Variants in NAALAD2 observed in about 807,000 individuals in gnomAD.
NAALAD2 encodes N-acetylated alpha-linked acidic dipeptidase 2.
A neutral mutation model predicts 95.6 loss-of-function variants in NAALAD2; 89 were observed. The observed-to-expected ratio is 0.93, with a 90% confidence interval of 0.78 to 1.11. The LOEUF (loss-of-function observed/expected upper bound fraction) is 1.11, where lower values mean the gene tolerates loss of function less well. Among genes scored for constraint, NAALAD2 ranks in the 50% least tolerant of loss-of-function variants. NAALAD2 has a pLI of 0.00. For missense variants in NAALAD2, 894 were observed against 872.4 expected (o/e 1.02, Z -0.31); for synonymous variants, 264 against 294.4 (o/e 0.90, Z 1.06).
chr11:90,181,833 T>C (rs1952982739), intron 17 of NAALAD2, 132 bp downstream of exon 17: 7 of 606,716 alleles, frequency 1.2e-5, no homozygotes, highest in Non-Finnish European at 2.0e-5. Flanking sequence ...AAATCAGCAA[T>C]AGCAGTAGTA....
intron 18 of NAALAD2, among the ~76,000 whole-genome samples, chr11:90,184,753 G>C (rs1248525294): frequency 6.6e-6 from 1 of 151,842 alleles, no homozygotes; most frequent in Non-Finnish European, 1.5e-5. Flanking sequence ...TGTTGAGTTT[G>C]GTGTAAGTTT....
At chr11:90,167,358 G>C (rs930335736) in intron 11 of NAALAD2, among the ~76,000 whole-genome samples, 1 of 152,198 alleles carries the variant, frequency 6.6e-6, no homozygotes, top group East Asian at 1.9e-4. Flanking sequence ...TCGATTTCTC[G>C]CTGGGCCTTA....
chr11:90,178,425 A>G (rs537393384), intron 16 of NAALAD2, among the ~76,000 whole-genome samples: 9 of 152,306 alleles, frequency 5.9e-5, no homozygotes, highest in African/African-American at 2.2e-4. Flanking sequence ...TAATCCCAGC[A>G]CTTTGGGAGG....
chr11:90,144,177 A>G (rs1469859751), intron 2 of NAALAD2, among the ~76,000 whole-genome samples: 1 of 152,178 alleles, frequency 6.6e-6, no homozygotes, highest in Non-Finnish European at 1.5e-5. Flanking sequence ...GAAATACACC[A>G]TATTAGGAGC....
At chr11:90,184,608 A>G (rs1255986500) in intron 18 of NAALAD2, among the ~76,000 whole-genome samples, 1 of 152,012 alleles carries the variant, frequency 6.6e-6, no homozygotes, top group Admixed American at 6.6e-5. Context: ...TTTATTTATA[A>G]GAAATCTATA....
chr11:90,135,449 G>A, intron 1 of NAALAD2, 110 bp from the exon 2 acceptor site: 6 of 563,004 alleles, frequency 1.1e-5, no homozygotes, highest in Non-Finnish European at 1.8e-5. Context: ...TGATCTACTT[G>A]TCAGATAAAG....
chr11:90,177,127 G>A (rs1053406963), intron 15 of NAALAD2, among the ~76,000 whole-genome samples: 3 of 152,018 alleles, frequency 2.0e-5, no homozygotes, highest in Non-Finnish European at 4.4e-5. Flanking sequence ...ACTAAAATTA[G>A]AAAAGGCAGA....
chr11:90,151,857 T>G (rs1951896013), intron 5 of NAALAD2, among the ~76,000 whole-genome samples: 1 of 152,176 alleles, frequency 6.6e-6, no homozygotes, highest in Non-Finnish European at 1.5e-5. Flanking sequence ...CATAAATATT[T>G]GTAGAATGCT....
chr11:90,173,186 TAC>T (rs137863708), intron 13 of NAALAD2, among the ~76,000 whole-genome samples: 16 of 151,188 alleles, frequency 1.1e-4, no homozygotes, highest in African/African-American at 2.7e-4. Flanking sequence ...TGTATATATA[TAC>T]ACACACACAC....
chr11:90,171,277 T>A (rs1005504852), intron 13 of NAALAD2, among the ~76,000 whole-genome samples: 1 of 152,214 alleles, frequency 6.6e-6, no homozygotes, highest in African/African-American at 2.4e-5. Context: ...CACTTCTCTC[T>A]GGGTACTATT....
At chr11:90,136,979 C>G (rs998852484) in intron 2 of NAALAD2, among the ~76,000 whole-genome samples, 7 of 152,060 alleles carry the variant, frequency 4.6e-5, no homozygotes, top group African/African-American at 1.7e-4. Context: ...GATCAACTTC[C>G]ATCAACAAAT....
In NAALAD2 at chr11:90,135,614, T is replaced by G; in HGVS notation, c.138T>G (p.Ser46Arg). Reference protein sequence around the residue: ...ETTTSVRYHQSIRWKLVSEMK... With the variant: ...ETTTSVRYHQRIRWKLVSEMK... Reference sequence around the variant, plus strand: ...CCACTTCTGTGCGCTATCATCAAAGTATACGGTGGAAACTGGTATCCGAAA... The same window carrying G: ...CCACTTCTGTGCGCTATCATCAAAGGATACGGTGGAAACTGGTATCCGAAA... Residue 46 changes from serine (S) to arginine (R), a missense_variant, in exon 2 of 19, where the codon AGT becomes AGG. By Grantham distance (110) the Ser-to-Arg change is moderately radical. Coordinates refer to ENST00000534061, the MANE Select transcript of NAALAD2 (RefSeq NM_005467.4). 6.2e-7 allele frequency: 1 copy of G among 1,613,726 alleles called. No homozygotes were observed. The highest frequency in any genetic ancestry group is 1.3e-5 in the African/African-American group (1 of 75,022).
Position 90,158,859 on chromosome 11 carries a change from A to C in NAALAD2, c.891-380A>C. On this transcript the variant is annotated intron_variant, in intron 7 of 18. Coordinates refer to ENST00000534061, the MANE Select transcript of NAALAD2 (RefSeq NM_005467.4). ...TTGTTTGGGTGCCTACTGTGTAATC[A>C]GCAGCTTTTTTACAAATACATTTCT... 4.3e-5 allele frequency: 9 copies of C among 211,748 alleles called. No homozygotes were observed. In the South Asian group the frequency reaches 7.1e-4, roughly 17 times the overall value. The allele number at this position is 211,748 out of a possible 1,614,324, so 13.1% of individuals were successfully genotyped here. A position where few individuals can be genotyped will look rare whatever the true frequency, so the allele number is the denominator to read the frequency against.
intron 2 of NAALAD2, among the ~76,000 whole-genome samples, chr11:90,145,854 T>C (rs1389248945): frequency 6.6e-6 from 1 of 152,064 alleles, no homozygotes; most frequent in Non-Finnish European, 1.5e-5. Context: ...AGTAGAGGAA[T>C]TTATAAGAGA....
chr11:90,133,567 T>A (rs1951386743), upstream of NAALAD2, among the ~76,000 whole-genome samples: 1 of 152,102 alleles, frequency 6.6e-6, no homozygotes, highest in Non-Finnish European at 1.5e-5. Context: ...GATTACCCAA[T>A]AACCAATGAG....
intron 6 of NAALAD2, among the ~76,000 whole-genome samples, chr11:90,157,828 C>A (rs1952165621): frequency 6.6e-6 from 1 of 151,814 alleles, no homozygotes; most frequent in South Asian, 2.1e-4. Context: ...TCAAGCGATT[C>A]TCCCACCTCA....
chr11:90,166,259 G>C (rs577589124), intron 11 of NAALAD2, among the ~76,000 whole-genome samples: 3 of 152,130 alleles, frequency 2.0e-5, no homozygotes, highest in Non-Finnish European at 4.4e-5. Flanking sequence ...CTGTCTGTGT[G>C]TTAGTTTTGC....
intron 1 of NAALAD2, chr11:90,135,098 C>A: frequency 2.1e-6 from 1 of 469,918 alleles, no homozygotes; most frequent in Non-Finnish European, 3.8e-6. Context: ...CTACAGCTGT[C>A]ACTGTCTGCA....
intron 5 of NAALAD2, among the ~76,000 whole-genome samples, chr11:90,150,901 A>G (rs758404935): frequency 6.6e-6 from 1 of 152,134 alleles, no homozygotes; most frequent in Non-Finnish European, 1.5e-5. Flanking sequence ...TACCCACTTC[A>G]TTATTCAGAT....
Sources: allele counts gnomAD v4.1 joint callset (sites outside exome capture counted in the v4.1 genomes callset), GRCh38; gene constraint gnomAD v4.1.1; transcripts MANE v1.5; gene names NCBI Gene and HGNC (gene_info 2026-07-23, HGNC 2026-07-21).